Variants in FLNB observed in about 807,000 individuals in gnomAD.
FLNB encodes the protein filamin B.
Under a neutral mutation model 250.6 loss-of-function variants are expected in FLNB, and 111 were observed. The observed-to-expected ratio is 0.44, with a 90% confidence interval of 0.38 to 0.52. The LOEUF is 0.52. FLNB is among the 20% of genes least tolerant of loss of function. FLNB has a pLI of 0.00. For synonymous variants in FLNB, 1,302 were observed against 1,372.1 expected (o/e 0.95, Z 1.13); for missense variants, 2,869 against 3,447.8 (o/e 0.83, Z 4.20).
chr3:58,131,794 C>T (rs2097307869), intron 25 of FLNB: 1 of 668,320 alleles, frequency 1.5e-6, no homozygotes, highest in East Asian at 2.8e-5. Context: ...TCAGGACCTG[C>T]ATGTGTTTGT....
At chr3:58,102,831 T>C (rs2107085434) in intron 9 of FLNB, among the ~76,000 whole-genome samples, 1 of 152,326 alleles carries the variant, frequency 6.6e-6, no homozygotes, top group East Asian at 1.9e-4. Context: ...GAGAATAAAA[T>C]TCCCTAAGAT....
chr3:58,034,505 C>T (rs1312632803), intron 1 of FLNB, among the ~76,000 whole-genome samples: 2 of 151,872 alleles, frequency 1.3e-5, no homozygotes, highest in Non-Finnish European at 2.9e-5. Context: ...GGTTTTTACA[C>T]CAAGTATCGC....
intron 1 of FLNB, among the ~76,000 whole-genome samples, chr3:58,043,834 A>C (rs1213145336): frequency 6.6e-6 from 1 of 152,126 alleles, no homozygotes; most frequent in African/African-American, 2.4e-5. Flanking sequence ...TCATGCACCC[A>C]CCCCAGTACT....
rs75200893 is a variant in FLNB, at chr3:58,089,546, C to CAA, written c.788-5276_788-5275dup. 9.9e-3 allele frequency among the ~76,000 whole-genome samples: 588 copies of CAA among 59,616 alleles called. 13 individuals carry two copies. In the East Asian group the frequency reaches 0.11, roughly 12 times the overall value. The allele number at this position is 59,616 out of a possible 152,430, so 39.1% of individuals were successfully genotyped here. A position where few individuals can be genotyped will look rare whatever the true frequency, so the allele number is the denominator to read the frequency against. On this transcript the variant is annotated intron_variant, in intron 4 of 45. Transcript: ENST00000295956. ...GGGCAAGAAGAGTGAGACTCCATCT[C>CAA]AAAAAAAAAAAAAAAGGCTTCGGTA...
At chr3:58,100,583 C>T (rs1406850460) in intron 8 of FLNB, among the ~76,000 whole-genome samples, 2 of 135,000 alleles carry the variant, frequency 1.5e-5, no homozygotes, top group African/African-American at 2.9e-5. Flanking sequence ...TTTTCTTTTT[C>T]TTTTTCTTTT....
intron 29 of FLNB, 31 bp downstream of exon 29, chr3:58,138,560 G>A (rs374918529): frequency 3.7e-6 from 6 of 1,613,556 alleles, no homozygotes; most frequent in Non-Finnish European, 4.2e-6. Flanking sequence ...CGAGCATGCT[G>A]TTATTGGTGG....
chr3:58,065,941 C>T (rs939274581), intron 1 of FLNB, among the ~76,000 whole-genome samples: 1 of 152,152 alleles, frequency 6.6e-6, no homozygotes, highest in Non-Finnish European at 1.5e-5. Flanking sequence ...ACACAGACTG[C>T]CATCAGGCTG....
At chr3:58,073,598 G>C (rs954410731) in intron 1 of FLNB, among the ~76,000 whole-genome samples, 6 of 151,290 alleles carry the variant, frequency 4.0e-5, no homozygotes, top group African/African-American at 1.5e-4. Context: ...TTTGGCACTG[G>C]GGAGTTGCAG....
Position 58,134,612 on chromosome 3 carries a change from C to G in FLNB, c.4515-4C>G, listed in dbSNP as rs1445499477. ...CTAGGGTGTGTGTGTGTGTGTCTATCAAGTCCCTTCAAGGTCAAGGTCCTT... is the reference window on the plus strand; with the variant it reads ...CTAGGGTGTGTGTGTGTGTGTCTATGAAGTCCCTTCAAGGTCAAGGTCCTT... On this transcript the variant is annotated splice_region_variant and splice_polypyrimidine_tract_variant and intron_variant, in intron 26 of 45. Transcript: ENST00000295956. The G allele has an allele frequency of 6.2e-7, 1 of 1,613,940 alleles. No individual in the cohort carries two copies. Among genetic ancestry groups the G allele is most frequent in the East Asian group, 2.2e-5 (1 of 44,876 alleles).
In FLNB at chr3:58,025,737, C is replaced by T. The variant is rs1490440768; in HGVS notation, c.292+16881C>T. Among the ~76,000 whole-genome samples the T allele has an allele frequency of 2.0e-5, 3 of 152,172 alleles. No homozygotes were observed. In the East Asian group the frequency reaches 5.8e-4, roughly 29 times the overall value. ...GGCCAGGAGTTTGAGACCAGCCTGG[C>T]CAACATGGCGAAACCCTGTCTCTAC... On this transcript the variant is annotated intron_variant, in intron 1 of 45. Coordinates refer to ENST00000295956, the MANE Select transcript of FLNB (RefSeq NM_001457.4).
chr3:58,014,888 C>T (rs1013898371), intron 1 of FLNB, among the ~76,000 whole-genome samples: 1 of 152,182 alleles, frequency 6.6e-6, no homozygotes, highest in Admixed American at 6.5e-5. Flanking sequence ...GCCACTATGT[C>T]TGGCTAATTT....
chr3:58,107,313 T>A (rs1268862157), intron 12 of FLNB, among the ~76,000 whole-genome samples: 1 of 152,218 alleles, frequency 6.6e-6, no homozygotes. Flanking sequence ...ATTACAGGTG[T>A]GAGCCTCCAC....
chr3:58,076,801 A>G (rs1462113234), intron 1 of FLNB, among the ~76,000 whole-genome samples: 3 of 152,176 alleles, frequency 2.0e-5, no homozygotes, highest in African/African-American at 7.2e-5. Context: ...AAGTAGAGAC[A>G]GTGGTGTCTT....
At chr3:58,104,155 C>A in intron 10 of FLNB, 70 bp downstream of exon 10, 1 of 1,523,578 alleles carries the variant, frequency 6.6e-7, no homozygotes, top group Non-Finnish European at 9.0e-7. Context: ...TGGGTAGTTG[C>A]TTCCCGGGCT....
At chr3:58,106,077 G>A (rs1310671079) in intron 11 of FLNB, among the ~76,000 whole-genome samples, 1 of 152,076 alleles carries the variant, frequency 6.6e-6, no homozygotes, top group Admixed American at 6.5e-5. Context: ...TATAGGGTAT[G>A]CCTTCATTTT....
chr3:58,112,353 C>T, intron 18 of FLNB, 35 bp downstream of exon 18: 2 of 1,596,982 alleles, frequency 1.3e-6, no homozygotes, highest in Non-Finnish European at 1.7e-6. Context: ...CCCTGGCCCC[C>T]AGCCAGGCCC....
At chr3:58,069,578 A>T (rs919585282) in intron 1 of FLNB, among the ~76,000 whole-genome samples, 1 of 151,966 alleles carries the variant, frequency 6.6e-6, no homozygotes, top group African/African-American at 2.4e-5. Context: ...GGTGCTGCAT[A>T]TGAGATCTCT....
At chr3:58,061,102 C>A (rs572275843) in intron 1 of FLNB, among the ~76,000 whole-genome samples, 96 of 152,318 alleles carry the variant, frequency 6.3e-4, no homozygotes, top group African/African-American at 2.1e-3. Context: ...GCGATTTAAA[C>A]AAACAGGTGA....
Position 58,169,830 on chromosome 3 carries a change from A to AGGGGGGGGGGGGGGCT in FLNB, c.7621+41_7621+42insGGGGGGGGGGCTGGGG. On this transcript the variant is annotated intron_variant, in intron 45 of 45. Coordinates refer to ENST00000295956, the MANE Select transcript of FLNB (RefSeq NM_001457.4). This position sits in a 1 kb window ranked among gnomAD's most constrained non-coding sequence, Gnocchi z 4.8. The stretch of plus-strand genomic sequence containing the variant: ...GGCCTTTTCAAGGGTGGGGTGGGGC[A>AGGGGGGGGGGGGGGCT]GGGGCAGGCTGGGCACCCTGGGTAC... 14 of 672,016 alleles carry AGGGGGGGGGGGGGGCT rather than the reference A, an allele frequency of 2.1e-5. No individual in the cohort carries two copies. Among genetic ancestry groups the AGGGGGGGGGGGGGGCT allele is most frequent in the East Asian group, 7.6e-5 (2 of 26,200 alleles). 41.6% of individuals were successfully genotyped at this position (672,016 alleles called of 1,614,324 possible). A position where few individuals can be genotyped will look rare whatever the true frequency, so the allele number is the denominator to read the frequency against.
Sources: allele counts gnomAD v4.1 joint callset (sites outside exome capture counted in the v4.1 genomes callset), GRCh38; gene constraint gnomAD v4.1.1; non-coding constraint Gnocchi (gnomAD v3.1); transcripts MANE v1.5; gene names NCBI Gene and HGNC (gene_info 2026-07-23, HGNC 2026-07-21).